Variants in CACNB2 observed in about 807,000 individuals in gnomAD.
CACNB2 encodes the protein voltage-dependent L-type calcium channel subunit beta-2.
Under a neutral mutation model 73.3 loss-of-function variants are expected in CACNB2, and 42 were observed. That is an observed-to-expected ratio of 0.57 (90% CI 0.45 to 0.74). The LOEUF is 0.74. Among genes scored for constraint, CACNB2 ranks in the 30% least tolerant of loss-of-function variants. The pLI is 0.00. For missense variants in CACNB2, 940 were observed against 853.0 expected (o/e 1.10, Z -1.27); for synonymous variants, 348 against 310.3 (o/e 1.12, Z -1.28).
rs1564656195 is a variant in CACNB2 at position 18,527,620 on chromosome 10, CGCTT to C, written c.980_983del (p.Leu327ProfsTer6). The C allele has an allele frequency of 6.2e-7, 1 of 1,613,966 alleles. No individual in the cohort carries two copies. Among genetic ancestry groups the C allele is most frequent in the Non-Finnish European group, 8.5e-7 (1 of 1,179,900 alleles). On this transcript the variant is annotated frameshift_variant, in exon 10 of 14. Coordinates refer to ENST00000324631, the MANE Select transcript of CACNB2 (RefSeq NM_201596.3). LOFTEE classifies it high-confidence loss of function. ...ATCACAAGGGTCACCGCTGACATCT[CGCTT>C]GCCAAACGCTCGGTATTAAACAATC...
In CACNB2 at chr10:18,543,509, T is replaced by A. The variant is rs551364982; in HGVS notation, c.*3785T>A. On this transcript the variant is annotated 3_prime_UTR_variant, in exon 14 of 14. Coordinates refer to ENST00000324631, the MANE Select transcript of CACNB2 (RefSeq NM_201596.3). ...GAACTTAAGTACTTCTTCTGTTTCA[T>A]AGAAATGTTAATATTAAATGTTAAA... The A allele has an allele frequency of 9.2e-5, 14 of 152,346 alleles. No homozygotes were observed. Among genetic ancestry groups the A allele is most frequent in the Non-Finnish European group, 1.3e-4 (9 of 68,032 alleles). The allele number at this position is 152,346 out of a possible 1,614,324, so 9.4% of individuals were successfully genotyped here. A position where few individuals can be genotyped will look rare whatever the true frequency, so the allele number is the denominator to read the frequency against.
intron 3 of CACNB2, among the ~76,000 whole-genome samples, chr10:18,431,581 AG>A (rs1472980994): frequency 1.3e-5 from 2 of 152,192 alleles, no homozygotes; most frequent in Non-Finnish European, 2.9e-5. Context: ...AGAGCTGATC[AG>A]GCTTTTTCCC....
intron 2 of CACNB2, among the ~76,000 whole-genome samples, chr10:18,288,001 C>T (rs187815284): frequency 3.9e-5 from 6 of 152,308 alleles, no homozygotes; most frequent in African/African-American, 7.2e-5. Context: ...ACTCCAATCA[C>T]GTGCTGTCTT....
At chr10:18,176,979 G>A (rs1293379262) in intron 2 of CACNB2, among the ~76,000 whole-genome samples, 1 of 152,072 alleles carries the variant, frequency 6.6e-6, no homozygotes, top group Non-Finnish European at 1.5e-5. Context: ...AAAGCGTATA[G>A]AGGTGAGGGA....
intron 2 of CACNB2, among the ~76,000 whole-genome samples, chr10:18,157,545 A>G (rs991122763): frequency 5.3e-5 from 8 of 152,322 alleles, no homozygotes; most frequent in Non-Finnish European, 1.0e-4. Flanking sequence ...GAAATAGACT[A>G]TGGAGAGGGA....
In CACNB2 at chr10:18,177,578, C is replaced by CA. The variant is rs530495405; in HGVS notation, c.213+26614dup. 3.5e-3 allele frequency among the ~76,000 whole-genome samples: 472 copies of CA among 135,024 alleles called. 2 individuals are homozygous for CA. The highest frequency in any genetic ancestry group is 7.4e-3 in the East Asian group (35 of 4,716). 88.6% of individuals were successfully genotyped at this position (135,024 alleles called of 152,430 possible). A position where few individuals can be genotyped will look rare whatever the true frequency, so the allele number is the denominator to read the frequency against. ...TGGAAGACACAGCAAGACTCCATCT[C>CA]AAAAAAAAAAAGAAGAAGAAGAAGA... On this transcript the variant is annotated intron_variant, in intron 2 of 13. Transcript: ENST00000324631.
At chr10:18,282,153 G>C (rs1588929404) in intron 2 of CACNB2, among the ~76,000 whole-genome samples, 2 of 152,000 alleles carry the variant, frequency 1.3e-5, no homozygotes, top group African/African-American at 4.8e-5. Context: ...TATTCATTGA[G>C]AGTTGTCCCT....
Position 18,514,239 on chromosome 10 carries a change from T to TA in CACNB2, c.675dup (p.Asp226ArgfsTer13), listed in dbSNP as rs1419041440. On this transcript the variant is annotated frameshift_variant, in exon 7 of 14. Transcript: ENST00000324631. LOFTEE classifies it high-confidence loss of function. ...TTTTTGAATTGTCTGTATATAGCTA[T>TA]AGACATAGATGCTACTGGCTTAGAT... 1 of 1,614,078 alleles carries TA rather than the reference T, an allele frequency of 6.2e-7. No individual in the cohort carries two copies. Among genetic ancestry groups the TA allele is most frequent in the Non-Finnish European group, 8.5e-7 (1 of 1,179,924 alleles).
At chr10:18,517,380 G>A (rs1404695217) in intron 7 of CACNB2, among the ~76,000 whole-genome samples, 1 of 151,976 alleles carries the variant, frequency 6.6e-6, no homozygotes, top group East Asian at 1.9e-4. Flanking sequence ...CCTAATTTTT[G>A]GAAAGATGTT....
At chr10:18,175,469 C>T (rs557994386) in intron 2 of CACNB2, among the ~76,000 whole-genome samples, 3 of 152,276 alleles carry the variant, frequency 2.0e-5, no homozygotes, top group African/African-American at 7.2e-5. Flanking sequence ...TTATGAGGAA[C>T]ACTCGTTTTA....
At chr10:18,457,390 C>T (rs1421864386) in intron 3 of CACNB2, among the ~76,000 whole-genome samples, 1 of 152,072 alleles carries the variant, frequency 6.6e-6, no homozygotes, top group African/African-American at 2.4e-5. Context: ...ACACTTGGCC[C>T]TCCAAGAACT....
chr10:18,488,480 A>C (rs997783145), intron 3 of CACNB2, among the ~76,000 whole-genome samples: 95 of 145,724 alleles, frequency 6.5e-4, no homozygotes, highest in Non-Finnish European at 1.2e-3. Flanking sequence ...ATCTCAAAAA[A>C]AAAAAAAAAA....
At chr10:18,502,731 G>GC (rs1489860168) in intron 5 of CACNB2, among the ~76,000 whole-genome samples, 3 of 132,356 alleles carry the variant, frequency 2.3e-5, no homozygotes, top group African/African-American at 8.5e-5. Context: ...AAAACCGCAT[G>GC]TTTTTACTTA....
chr10:18,496,310 G>A (rs1044102760), intron 3 of CACNB2, among the ~76,000 whole-genome samples: 1 of 151,784 alleles, frequency 6.6e-6, no homozygotes, highest in East Asian at 1.9e-4. Flanking sequence ...TGCAAATTGT[G>A]ACTAGACCAT....
intron 2 of CACNB2, among the ~76,000 whole-genome samples, chr10:18,237,542 T>A (rs1197973718): frequency 6.6e-6 from 1 of 152,172 alleles, no homozygotes; most frequent in Non-Finnish European, 1.5e-5. Context: ...TGCCAACACC[T>A]TGATTTTGAA....
rs1016623836 is a variant in CACNB2, at chr10:18,204,582, G to A, written c.213+53607G>A. The stretch of plus-strand genomic sequence containing the variant: ...TCATAGGATTCAAATTTCCTGCTTT[G>A]TAATTTTTGCTCTGACATTTTATGT... On this transcript the variant is annotated intron_variant, in intron 2 of 13. Transcript: ENST00000324631. Among the ~76,000 whole-genome samples the A allele has an allele frequency of 4.6e-5, 7 of 152,116 alleles. 1 individual carries two copies. Among genetic ancestry groups the A allele is most frequent in the Admixed American group, 3.3e-4 (5 of 15,272 alleles).
intron 3 of CACNB2, among the ~76,000 whole-genome samples, chr10:18,425,632 C>T (rs1351549345): frequency 1.3e-5 from 2 of 152,124 alleles, no homozygotes; most frequent in Non-Finnish European, 2.9e-5. Context: ...TGGACCACTG[C>T]ACTCCAGCCT....
chr10:18,220,264 GAGAGA>G (rs2035735425), intron 2 of CACNB2, among the ~76,000 whole-genome samples: 1 of 124,398 alleles, frequency 8.0e-6, no homozygotes, highest in Non-Finnish European at 1.6e-5. Context: ...GAGAGAGAGA[GAGAGA>G]GAGAGAAAGA....
intron 3 of CACNB2, among the ~76,000 whole-genome samples, chr10:18,488,907 G>A (rs2049237843): frequency 6.6e-6 from 1 of 152,106 alleles, no homozygotes; most frequent in Non-Finnish European, 1.5e-5. Context: ...GCCGGGTACG[G>A]TGGCTCATGC....
Sources: allele counts gnomAD v4.1 joint callset (sites outside exome capture counted in the v4.1 genomes callset), GRCh38; gene constraint gnomAD v4.1.1; transcripts MANE v1.5; gene names NCBI Gene and HGNC (gene_info 2026-07-23, HGNC 2026-07-21).